SLC9C1: variants seen among roughly 807,000 people sequenced by gnomAD.
The protein encoded by SLC9C1 is sodium/hydrogen exchanger 10.
SLC9C1 carries 97 observed loss-of-function variants against 140.9 expected under a neutral mutation model. The observed-to-expected ratio is 0.69, with a 90% CI of 0.58 to 0.82. The LOEUF is 0.82. SLC9C1 is among the 40% of genes least tolerant of loss of function. The probability of loss-of-function intolerance (pLI) is 0.00; values close to 1 mark genes in which losing one functional copy is unlikely to be tolerated. For missense variants in SLC9C1, 1,340 were observed against 1,389.3 expected (o/e 0.96, Z 0.56); for synonymous variants, 440 against 442.6 (o/e 0.99, Z 0.07).
At chr3:112,208,693 A>T (rs2078121519) in intron 15 of SLC9C1, among the ~76,000 whole-genome samples, 1 of 152,142 alleles carries the variant, frequency 6.6e-6, no homozygotes, top group Non-Finnish European at 1.5e-5. Context: ...AATTTTTTTT[A>T]AATAAAGAGA....
intron 10 of SLC9C1, among the ~76,000 whole-genome samples, chr3:112,257,953 CATTG>C (rs1265349606): frequency 1.3e-5 from 2 of 152,202 alleles, no homozygotes; most frequent in Non-Finnish European, 2.9e-5. Context: ...AGCTCAGTAT[CATTG>C]ATCATTAGAG....
At chr3:112,159,140 G>A (rs1321178648) in intron 26 of SLC9C1, among the ~76,000 whole-genome samples, 2 of 151,146 alleles carry the variant, frequency 1.3e-5, no homozygotes, top group Middle Eastern at 3.4e-3. Context: ...TATTGCTATA[G>A]ACTTCCCACT....
In SLC9C1 at chr3:112,204,259, T is replaced by C. The variant is rs780593355; in HGVS notation, c.2131A>G (p.Ile711Val). Residue 711 changes from isoleucine to valine, a missense_variant, in exon 17 of 29, where the codon ATA becomes GTA. By Grantham distance (29) the Ile-to-Val change is conservative. Coordinates refer to ENST00000305815, the MANE Select transcript of SLC9C1 (RefSeq NM_183061.3). ...IFNETEVIVFIKVVQFFRILR... is the reference protein window; with the variant it reads ...IFNETEVIVFVKVVQFFRILR... ...ATACGAAAAAATTGAACAACTTTTA[T>C]AAAGACTATTACTTCAGTCTCATTA... 1 of 1,517,846 alleles carries C rather than the reference T, an allele frequency of 6.6e-7. No homozygotes were observed. Among genetic ancestry groups the C allele is most frequent in the Non-Finnish European group, 8.8e-7 (1 of 1,141,146 alleles). 94.0% of individuals were successfully genotyped at this position (1,517,846 alleles called of 1,614,324 possible). A position where few individuals can be genotyped will look rare whatever the true frequency, so the allele number is the denominator to read the frequency against.
chr3:112,151,235 G>A, intron 28 of SLC9C1: 1 of 458,550 alleles, frequency 2.2e-6, no homozygotes, highest in South Asian at 1.7e-5. Flanking sequence ...ATCATATAAA[G>A]CATACACACA....
At chr3:112,247,746 A>G (rs1382711596) in intron 10 of SLC9C1, among the ~76,000 whole-genome samples, 1 of 114,458 alleles carries the variant, frequency 8.7e-6, no homozygotes, top group Non-Finnish European at 1.9e-5. Context: ...AAGCCCAAAT[A>G]TTAACCATAT....
At chr3:112,241,409 A>G (rs1258093289) in intron 11 of SLC9C1, among the ~76,000 whole-genome samples, 3 of 152,182 alleles carry the variant, frequency 2.0e-5, no homozygotes, top group African/African-American at 7.2e-5. Context: ...AAAGATCTCT[A>G]CAAGGCGAAC....
intron 23 of SLC9C1, among the ~76,000 whole-genome samples, chr3:112,178,247 T>G (rs1168020166): frequency 6.6e-6 from 1 of 151,918 alleles, no homozygotes; most frequent in African/African-American, 2.4e-5. Flanking sequence ...CAAGCAATCC[T>G]CCCTTCTCAG....
intron 22 of SLC9C1, 55 bp downstream of exon 22, chr3:112,180,509 G>T: frequency 1.4e-6 from 2 of 1,447,170 alleles, no homozygotes; most frequent in South Asian, 2.5e-5. Context: ...GGCAACAAGA[G>T]AGAAACTCTG....
chr3:112,258,745 C>T (rs1559724327), intron 10 of SLC9C1, among the ~76,000 whole-genome samples: 1 of 152,064 alleles, frequency 6.6e-6, no homozygotes, highest in Non-Finnish European at 1.5e-5. Flanking sequence ...CAGGCATGAG[C>T]CACCATACCC....
At chr3:112,185,531 G>A in intron 20 of SLC9C1, 1 of 1,613,074 alleles carries the variant, frequency 6.2e-7, no homozygotes, top group South Asian at 1.1e-5. Context: ...CTTGCACAGG[G>A]GCCCCGTCAG....
Position 112,231,354 on chromosome 3 carries a change from A to T in SLC9C1, c.1572+7T>A, listed in dbSNP as rs148546348. The T allele has an allele frequency of 5.8e-5, 93 of 1,612,732 alleles. No homozygotes were observed. In the African/African-American group the frequency reaches 1.1e-3, roughly 19 times the overall value. ...AAACATAATTTCAAAAGAGAATAAT[A>T]CAGTACTATTTGTGCTGACAAGAGA... is the stretch of plus-strand genomic sequence containing the variant. On this transcript the variant is annotated splice_region_variant and intron_variant, in intron 13 of 28. Coordinates refer to ENST00000305815, the MANE Select transcript of SLC9C1 (RefSeq NM_183061.3).
At chr3:112,221,064 C>A in intron 14 of SLC9C1, 64 bp downstream of exon 14, 1 of 1,360,204 alleles carries the variant, frequency 7.4e-7, no homozygotes, top group South Asian at 1.2e-5. Flanking sequence ...CAAGAAAACT[C>A]ACTTGGGTAA....
intron 2 of SLC9C1, 91 bp downstream of exon 2, chr3:112,286,613 C>A (rs2080514741): frequency 5.6e-6 from 6 of 1,064,176 alleles, no homozygotes; most frequent in South Asian, 1.8e-5. Flanking sequence ...AAAATTATAT[C>A]CTATTACTTC....
intron 20 of SLC9C1, among the ~76,000 whole-genome samples, chr3:112,196,780 T>C (rs76400391): frequency 0.054 from 8,233 of 152,232 alleles, 269 homozygotes; most frequent in South Asian, 0.089. Flanking sequence ...ATTTTGTTCA[T>C]GTATTTTCTA....
chr3:112,290,989 T>C (rs893419849), intron 1 of SLC9C1, among the ~76,000 whole-genome samples: 1 of 152,186 alleles, frequency 6.6e-6, no homozygotes, highest in Non-Finnish European at 1.5e-5. Context: ...GTCTGGGTTC[T>C]TTATTCATCC....
At chr3:112,275,963 T>C (rs2080203306) in intron 5 of SLC9C1, among the ~76,000 whole-genome samples, 1 of 151,994 alleles carries the variant, frequency 6.6e-6, no homozygotes, top group South Asian at 2.1e-4. Context: ...GCAGCATTCC[T>C]CTGTAGGAAT....
intron 15 of SLC9C1, among the ~76,000 whole-genome samples, chr3:112,215,818 C>T (rs1270180312): frequency 1.3e-5 from 2 of 152,206 alleles, no homozygotes; most frequent in Non-Finnish European, 2.9e-5. Flanking sequence ...CCCCAACAAG[C>T]TACCAATGAC....
chr3:112,186,818 A>G (rs868094336), intron 20 of SLC9C1, among the ~76,000 whole-genome samples: 14 of 152,336 alleles, frequency 9.2e-5, no homozygotes, highest in Middle Eastern at 3.4e-3. Flanking sequence ...TCGCTTAAAT[A>G]GTGACAAAGG....
Position 112,202,242 on chromosome 3 carries a change from T to G in SLC9C1, c.2322+8A>C. 1 of 1,608,332 alleles carries G rather than the reference T, an allele frequency of 6.2e-7. No homozygotes were observed. Among genetic ancestry groups the G allele is most frequent in the Non-Finnish European group, 8.5e-7 (1 of 1,178,104 alleles). On this transcript the variant is annotated splice_region_variant and intron_variant, in intron 18 of 28. Transcript: ENST00000305815. ...GAACTCTTTTCTTAGGATTTAAGGT[T>G]TTCTTACCTGTTTAATCTGTTTAGA... is the stretch of plus-strand genomic sequence containing the variant.
Sources: gnomAD v4.1 joint callset for allele counts (sites outside exome capture counted in the v4.1 genomes callset) on GRCh38, gnomAD v4.1.1 for gene constraint, MANE v1.5 for transcripts, NCBI Gene and HGNC (gene_info 2026-07-23, HGNC 2026-07-21) for gene names.